COLGALT2: variants seen among roughly 807,000 people sequenced by gnomAD.
COLGALT2 encodes the protein procollagen galactosyltransferase 2.
In COLGALT2, 49 loss-of-function variants were observed where a neutral mutation model predicts 73.4. The observed-to-expected ratio is 0.67, with a 90% CI of 0.53 to 0.85. The LOEUF is 0.85. Among genes scored for constraint, COLGALT2 ranks in the 40% least tolerant of loss-of-function variants. The pLI is 0.00. For missense variants in COLGALT2, 722 were observed against 790.2 expected (o/e 0.91, Z 1.03); for synonymous variants, 295 against 307.6 (o/e 0.96, Z 0.43).
intron 5 of COLGALT2, among the ~76,000 whole-genome samples, chr1:183,966,765 A>T (rs866684718): frequency 2.0e-5 from 3 of 152,220 alleles, no homozygotes; most frequent in Middle Eastern, 6.8e-3. Context: ...TGAACTCTTG[A>T]CCCTGGACTC....
In COLGALT2 at chr1:183,944,264, A is replaced by T; in HGVS notation, c.1329T>A (p.His443Gln). The change falls in exon 10 of 12, where the codon CAT (histidine) becomes CAA (glutamine). Residue 443 changes from histidine (H) to glutamine (Q), a missense_variant. Physicochemically the swap from His to Gln is conservative, Grantham distance 24 (BLOSUM62 0). Coordinates refer to ENST00000361927, the MANE Select transcript of COLGALT2 (RefSeq NM_015101.4). ...LVIEDDVRFE[H>Q]QFKKKLMKLM... ...GCTTCATCAGCTTCTTCTTAAACTG[A>T]TGCTCAAAACGCACATCGTCTTCAA... is the stretch of plus-strand genomic sequence containing the variant. 6.2e-7 allele frequency: 1 copy of T among 1,614,080 alleles called. No individual in the cohort carries two copies. Among genetic ancestry groups the T allele is most frequent in the Non-Finnish European group, 8.5e-7 (1 of 1,179,986 alleles).
intron 1 of COLGALT2, among the ~76,000 whole-genome samples, chr1:183,998,057 T>C (rs1286016110): frequency 2.0e-5 from 3 of 152,192 alleles, no homozygotes; most frequent in African/African-American, 7.2e-5. Context: ...TCTGAATATG[T>C]TCAACTTTAC....
In COLGALT2 at chr1:183,951,109, A is replaced by C; in HGVS notation, c.1034T>G (p.Phe345Cys). 1.2e-6 allele frequency: 2 copies of C among 1,610,164 alleles called. No homozygotes were observed. The highest frequency in any genetic ancestry group is 1.7e-6 in the Non-Finnish European group (2 of 1,176,424). ...CTTTCTGCGTTTGAGGTTTATCATGAAAATCTAATGCAAGAAGGAAAAGGG... is the reference window on the plus strand; with the variant it reads ...CTTTCTGCGTTTGAGGTTTATCATGCAAATCTAATGCAAGAAGGAAAAGGG... ...YPDKMGFDEI[F>C]MINLKRRKDR... Residue 345 changes from phenylalanine (F) to cysteine (C), a missense_variant, in exon 8 of 12, where the codon TTC becomes TGC. Physicochemically the swap from Phe to Cys is radical, Grantham distance 205 (BLOSUM62 -2). Coordinates refer to ENST00000361927, the MANE Select transcript of COLGALT2 (RefSeq NM_015101.4).
At chr1:183,957,268 A>G (rs1025513940) in intron 6 of COLGALT2, among the ~76,000 whole-genome samples, 1 of 152,210 alleles carries the variant, frequency 6.6e-6, no homozygotes, top group African/African-American at 2.4e-5. Context: ...GGAAACAAAC[A>G]TTAAATAACT....
chr1:184,023,555 T>A (rs1319333072), intron 1 of COLGALT2, among the ~76,000 whole-genome samples: 2 of 151,648 alleles, frequency 1.3e-5, no homozygotes, highest in Non-Finnish European at 2.9e-5. Context: ...CACCAGTAAC[T>A]TTTGCAAATA....
intron 2 of COLGALT2, among the ~76,000 whole-genome samples, chr1:183,977,832 G>A (rs9425327): frequency 0.55 from 67,919 of 123,404 alleles, 21,764 homozygotes; most frequent in Non-Finnish European, 0.74. Flanking sequence ...GAGAGAGAGA[G>A]AGAAAGAAGA....
chr1:184,012,122 T>C lies in COLGALT2; in HGVS notation c.263+24973A>G, dbSNP rs534140734. The stretch of plus-strand genomic sequence containing the variant: ...AATAGAGTTTTCCCACAATCTCTCA[T>C]GCATCTAGACCATCATGGTCCACAA... On this transcript the variant is annotated intron_variant, in intron 1 of 11. Transcript: ENST00000361927. Among the ~76,000 whole-genome samples, 195 of 152,338 alleles carry C rather than the reference T, an allele frequency of 1.3e-3. 2 individuals are homozygous for C. Among genetic ancestry groups the C allele is most frequent in the Non-Finnish European group, 1.5e-3 (100 of 68,032 alleles).
intron 1 of COLGALT2, among the ~76,000 whole-genome samples, chr1:184,030,250 C>T (rs1411606103): frequency 6.6e-6 from 1 of 152,126 alleles, no homozygotes; most frequent in East Asian, 1.9e-4. Context: ...ATGAACAAGT[C>T]ACTCTTTTGA....
chr1:184,015,792 G>A (rs1281401016), intron 1 of COLGALT2, among the ~76,000 whole-genome samples: 1 of 152,200 alleles, frequency 6.6e-6, no homozygotes, highest in African/African-American at 2.4e-5. Context: ...AGAACACCTT[G>A]TGGTGTAGAG....
At chr1:184,024,536 G>C (rs982893248) in intron 1 of COLGALT2, among the ~76,000 whole-genome samples, 10 of 151,862 alleles carry the variant, frequency 6.6e-5, no homozygotes, top group African/African-American at 2.4e-4. Flanking sequence ...TATTTTAGTA[G>C]AGATGGGGTT....
intron 1 of COLGALT2, among the ~76,000 whole-genome samples, chr1:183,999,886 T>C (rs1671869192): frequency 6.6e-6 from 1 of 152,148 alleles, no homozygotes; most frequent in Non-Finnish European, 1.5e-5. Context: ...ATTGGATTAT[T>C]AGTCCTCTTT....
chr1:183,969,498 T>G, intron 4 of COLGALT2, 25 bp from the exon 5 acceptor site: 3 of 1,573,940 alleles, frequency 1.9e-6, no homozygotes, highest in Non-Finnish European at 2.6e-6. Context: ...ATAGGTGGGT[T>G]GTGTTTTCTG....
Position 183,938,807 on chromosome 1 carries a change from G to A in COLGALT2, c.1835C>T (p.Pro612Leu), listed in dbSNP as rs567503918. Residue 612 changes from proline to leucine, a missense_variant, in exon 12 of 12, where the codon CCA becomes CTA. Pro to Leu is a moderately conservative substitution (Grantham distance 98). Coordinates refer to ENST00000361927, the MANE Select transcript of COLGALT2 (RefSeq NM_015101.4). ...CACAGTGTCCAGGGAGGTTGGCGGT[G>A]GCAGGGCCTCTGTGTTCTTGGCATT... Reference protein sequence around the residue: ...YSNAKNTEALPPPTSLDTVPS... With the variant: ...YSNAKNTEALLPPTSLDTVPS... 51 of 1,614,196 alleles carry A rather than the reference G, an allele frequency of 3.2e-5. No homozygotes were observed. The highest frequency in any genetic ancestry group is 5.3e-5 in the African/African-American group (4 of 75,052).
chr1:184,016,207 T>G (rs771930470), intron 1 of COLGALT2, among the ~76,000 whole-genome samples: 1 of 152,234 alleles, frequency 6.6e-6, no homozygotes. Context: ...TATCATTCAC[T>G]GAATTACACC....
At chr1:183,945,408 C>A (rs374520027) in intron 9 of COLGALT2, 24 bp downstream of exon 9, 3 of 1,610,712 alleles carry the variant, frequency 1.9e-6, no homozygotes, top group Non-Finnish European at 2.5e-6. Context: ...CATAAAACTG[C>A]AATCTGAATA....
intron 8 of COLGALT2, among the ~76,000 whole-genome samples, chr1:183,947,173 A>G (rs1670274869): frequency 6.6e-6 from 1 of 152,242 alleles, no homozygotes; most frequent in Non-Finnish European, 1.5e-5. Context: ...TCAATATCCC[A>G]CCTGCAATAA....
chr1:183,937,600 C>T lies in COLGALT2; in HGVS notation c.*1161G>A, dbSNP rs753468101. ...TTGTTTCCAAATAGTTCAAATCCCC[C>T]CATCCACAGGCCTCCCCACAAGAGC... On this transcript the variant is annotated 3_prime_UTR_variant, in exon 12 of 12. Transcript: ENST00000361927. The T allele has an allele frequency of 1.0e-6, 1 of 985,362 alleles. No homozygotes were observed. Among genetic ancestry groups the T allele is most frequent in the Non-Finnish European group, 1.2e-6 (1 of 829,952 alleles). 61.0% of individuals were successfully genotyped at this position (985,362 alleles called of 1,614,324 possible).
chr1:184,017,912 G>A (rs1386864438), intron 1 of COLGALT2, among the ~76,000 whole-genome samples: 1 of 152,140 alleles, frequency 6.6e-6, no homozygotes, highest in East Asian at 1.9e-4. Flanking sequence ...GCTGTTGTGA[G>A]CTCGGAATGA....
intron 1 of COLGALT2, among the ~76,000 whole-genome samples, chr1:184,036,181 C>T (rs1023907215): frequency 6.6e-6 from 1 of 152,182 alleles, no homozygotes; most frequent in Non-Finnish European, 1.5e-5. Context: ...CCTCCTTGTC[C>T]TCCACAACCC....
Sources: gnomAD v4.1 joint callset for allele counts (sites outside exome capture counted in the v4.1 genomes callset) on GRCh38, gnomAD v4.1.1 for gene constraint, MANE v1.5 for transcripts, NCBI Gene and HGNC (gene_info 2026-07-23, HGNC 2026-07-21) for gene names.